SPEG: variants seen among roughly 807,000 people sequenced by gnomAD.
SPEG encodes striated muscle enriched protein kinase, also known as striated muscle preferentially expressed protein kinase.
A neutral mutation model predicts 300.4 loss-of-function variants in SPEG; 114 were observed. The ratio of observed to expected loss-of-function variants is 0.38; its 90% confidence interval spans 0.33 to 0.44. SPEG has a LOEUF of 0.44. SPEG is among the 20% of genes least tolerant of loss of function. The pLI is 1.00. For missense variants in SPEG, 4,201 were observed against 4,586.2 expected, an observed-to-expected ratio of 0.92 and a Z score of 2.43; for synonymous variants, 1,964 against 2,018.9, an observed-to-expected ratio of 0.97 and a Z score of 0.73.
intron 13 of SPEG, 116 bp downstream of exon 13, chr2:219,469,495 A>C: frequency 1.2e-6 from 1 of 868,400 alleles, no homozygotes; most frequent in Non-Finnish European, 1.8e-6. Context: ...GACCAGGGAC[A>C]GGGTGCCTGG....
chr2:219,483,113 T>A lies in SPEG; in HGVS notation c.5650T>A (p.Tyr1884Asn). ...CTGTCTCCAGCGCTCCCAGATCAGC[T>A]ACAAATGCCACCTGGTGCTGCGCCC... ...RRRWQRSQIS[Y>N]KCHLVLRPIP... The change falls in exon 30 of 41, where the codon TAC becomes AAC. Residue 1884 changes from tyrosine to asparagine, a missense_variant. Coordinates refer to ENST00000312358, the MANE Select transcript of SPEG (RefSeq NM_005876.5). 6.2e-7 allele frequency: 1 copy of A among 1,607,546 alleles called. No homozygotes were observed. Among genetic ancestry groups the A allele is most frequent in the Non-Finnish European group, 8.5e-7 (1 of 1,179,284 alleles).
In SPEG at chr2:219,467,447, TC is replaced by T. The variant is rs769057723; in HGVS notation, c.3142+14del. On this transcript the variant is annotated intron_variant, in intron 10 of 40. Transcript: ENST00000312358. ...AGCACGGCCAAAGGTAACTCCCCAC[TC>T]AGGCATTGGGCTGCCGTGGGTGCCC... is the stretch of plus-strand genomic sequence containing the variant. 1.8e-5 allele frequency: 28 copies of T among 1,590,008 alleles called. No homozygotes were observed. The highest frequency in any genetic ancestry group is 2.4e-5 in the Non-Finnish European group (28 of 1,165,004).
At position 219,477,072 on chromosome 2, in the gene SPEG, G is replaced by A; in HGVS notation, c.4560+90G>A. ...TCCTGGAAGGCCTTAGGAGGGCGGA[G>A]CCCGGGCAGAGGCGTGGTTAGGAGG... On this transcript the variant is annotated intron_variant, in intron 19 of 40. Transcript: ENST00000312358. The surrounding 1 kb of genome is among the most constrained non-coding windows in gnomAD (Gnocchi z 6.4). The A allele has an allele frequency of 8.1e-7, 1 of 1,232,862 alleles. No individual in the cohort carries two copies. The highest frequency in any genetic ancestry group is 1.1e-6 in the Non-Finnish European group (1 of 883,150). 76.4% of individuals were successfully genotyped at this position (1,232,862 alleles called of 1,614,324 possible).
rs1245871200 is a variant in SPEG at position 219,483,390 on chromosome 2, A to G, written c.5927A>G (p.Gln1976Arg). The G allele has an allele frequency of 1.9e-6, 3 of 1,598,016 alleles. No individual in the cohort carries two copies. The highest frequency in any genetic ancestry group is 1.7e-5 in the Admixed American group (1 of 58,510). Residue 1976 changes from glutamine to arginine, a missense_variant, in exon 30 of 41, where the codon CAG (glutamine) becomes CGG (arginine). Physicochemically the swap from Gln to Arg is conservative, Grantham distance 43. Coordinates refer to ENST00000312358, the MANE Select transcript of SPEG (RefSeq NM_005876.5). ...GCCACCCCCATGGACTGGCAGGAGC[A>G]GGGAAGGGCTCCCTCTCAGGACCAG... ...GAATPMDWQE[Q>R]GRAPSQDQEA...
At position 219,473,218 on chromosome 2, in the gene SPEG, C is replaced by T. The variant is rs569674139; in HGVS notation, c.4147+122C>T. On this transcript the variant is annotated intron_variant, in intron 16 of 40. Transcript: ENST00000312358. This position sits in a 1 kb window ranked among gnomAD's most constrained non-coding sequence, Gnocchi z 4.6. Reference sequence around the variant, plus strand: ...AACTGGCAGGAGCAGCCTAGCCGGGCGGGACCTTGGCCCATCTGTACACTT... The same window carrying T: ...AACTGGCAGGAGCAGCCTAGCCGGGTGGGACCTTGGCCCATCTGTACACTT... 54 of 1,006,450 alleles carry T rather than the reference C, an allele frequency of 5.4e-5. No individual in the cohort carries two copies. Among genetic ancestry groups the T allele is most frequent in the South Asian group, 5.2e-4 (33 of 63,528 alleles). The allele number at this position is 1,006,450 out of a possible 1,614,324, so 62.3% of individuals were successfully genotyped here.
chr2:219,453,223 G>A (rs886123978), intron 6 of SPEG, among the ~76,000 whole-genome samples: 2 of 152,236 alleles, frequency 1.3e-5, no homozygotes, highest in African/African-American at 2.4e-5. Context: ...GGCCATTTGG[G>A]AGCCTTTTAT....
chr2:219,485,127 A>T, intron 30 of SPEG, 55 bp downstream of exon 30: 1 of 1,519,774 alleles, frequency 6.6e-7, no homozygotes, highest in Non-Finnish European at 8.8e-7. Context: ...GGTGCGCTGG[A>T]GAGAGGCTGT....
intron 9 of SPEG, chr2:219,466,732 G>A: frequency 1.0e-6 from 1 of 1,004,280 alleles, no homozygotes; most frequent in Non-Finnish European, 1.2e-6. Flanking sequence ...TCAGGGCTGG[G>A]GTGCTCTGTC....
At position 219,493,585 on chromosome 2, in the gene SPEG, G is replaced by GCTGT. The variant is rs747757383; in HGVS notation, c.*811_*814dup. On this transcript the variant is annotated 3_prime_UTR_variant, in exon 41 of 41. Transcript: ENST00000312358. Reference sequence around the variant, plus strand: ...CCTGACCATCCCTCCCAGCCATCCAGCTGTCTGTCTGTCTGCCACAAGGAA... The same window carrying GCTGT: ...CCTGACCATCCCTCCCAGCCATCCAGCTGTCTGTCTGTCTGTCTGCCACAAGGAA... 1.7e-5 allele frequency: 8 copies of GCTGT among 467,190 alleles called. No individual in the cohort carries two copies. The East Asian group carries it at 3.2e-4, about 19-fold the overall frequency. The allele number at this position is 467,190 out of a possible 1,614,324, so 28.9% of individuals were successfully genotyped here.
intron 1 of SPEG, chr2:219,441,993 G>GCCCCGC (rs1359101589): frequency 2.4e-6 from 1 of 420,988 alleles, no homozygotes; most frequent in East Asian, 5.3e-5. Context: ...CTCCGACTCC[G>GCCCCGC]CCCCGCCCCC....
At position 219,477,493 on chromosome 2, in the gene SPEG, T is replaced by C. The variant is rs1692456869; in HGVS notation, c.4729+48T>C. 6.6e-7 allele frequency: 1 copy of C among 1,512,556 alleles called. No individual in the cohort carries two copies. Among genetic ancestry groups the C allele is most frequent in the African/African-American group, 1.4e-5 (1 of 72,258 alleles). 93.7% of individuals were successfully genotyped at this position (1,512,556 alleles called of 1,614,324 possible). ...GGTAAAGCGCACACCCCCTGGAATC[T>C]GATGTGACCCTCCATGCTCTGCCCA... On this transcript the variant is annotated intron_variant, in intron 20 of 40. Coordinates refer to ENST00000312358, the MANE Select transcript of SPEG (RefSeq NM_005876.5). This position sits in a 1 kb window ranked among gnomAD's most constrained non-coding sequence, Gnocchi z 6.4.
Position 219,483,146 on chromosome 2 carries a change from G to A in SPEG, c.5683G>A (p.Glu1895Lys), listed in dbSNP as rs1457052339. 4 of 1,609,096 alleles carry A rather than the reference G, an allele frequency of 2.5e-6. No individual in the cohort carries two copies. The highest frequency in any genetic ancestry group is 1.3e-5 in the African/African-American group (1 of 74,980). The change falls in exon 30 of 41, where the codon GAG becomes AAG. Residue 1895 changes from glutamate to lysine, a missense_variant. Glu to Lys is a moderately conservative substitution (Grantham distance 56). Coordinates refer to ENST00000312358, the MANE Select transcript of SPEG (RefSeq NM_005876.5). ...CCACCTGGTGCTGCGCCCCATCCCC[G>A]AGCTGCTGCGGGCCCCCCCAGAGCG... The part of the protein sequence containing the change: ...KCHLVLRPIP[E>K]LLRAPPERVW...
chr2:219,465,767 T>C, intron 9 of SPEG: 1 of 540,680 alleles, frequency 1.8e-6, no homozygotes, highest in Non-Finnish European at 3.3e-6. Context: ...CAGCCCTCTA[T>C]GCAGAAGGGC....
chr2:219,440,175 G>A (rs986529413), intron 1 of SPEG, among the ~76,000 whole-genome samples: 1 of 152,170 alleles, frequency 6.6e-6, no homozygotes, highest in Non-Finnish European at 1.5e-5. Context: ...TTGAGCCCAG[G>A]AGTTCGAGAC....
chr2:219,468,588 C>G lies in SPEG; in HGVS notation c.3153C>G (p.Thr1051=). 1.2e-6 allele frequency: 2 copies of G among 1,612,824 alleles called. No individual in the cohort carries two copies. The highest frequency in any genetic ancestry group is 1.7e-6 in the Non-Finnish European group (2 of 1,179,924). ...CCCCCTGCCCCACAGATGAGCTGAC[C>G]TGCAGTGCCCGGCTGACCGTGCGGC... The part of the protein sequence containing the change: ...CKLSTAKDEL[T]CSARLTVRPS... Residue 1051 remains threonine, a synonymous_variant, in exon 11 of 41, where the codon ACC becomes ACG. Transcript: ENST00000312358.
intron 18 of SPEG, among the ~76,000 whole-genome samples, chr2:219,476,020 C>T (rs891668100): frequency 2.8e-5 from 4 of 145,032 alleles, no homozygotes; most frequent in African/African-American, 5.0e-5. Flanking sequence ...TGCTCAAACA[C>T]GCTGGGGTGG....
At chr2:219,447,687 T>C (rs1447476362) in intron 3 of SPEG, among the ~76,000 whole-genome samples, 2 of 151,912 alleles carry the variant, frequency 1.3e-5, no homozygotes, top group African/African-American at 4.8e-5. Flanking sequence ...CCGCTGTTTC[T>C]CGGCTTCCAG....
In SPEG at chr2:219,489,380, A is replaced by C. The variant is rs950547798; in HGVS notation, c.8362A>C (p.Thr2788Pro). Residue 2788 changes from threonine (T) to proline (P), a missense_variant, in exon 36 of 41, where the codon ACC (threonine) becomes CCC (proline). Thr to Pro is a conservative substitution (Grantham distance 38, BLOSUM62 -1). Around this residue, in one of 4 missense-constraint regions of SPEG, gnomAD observed 1,578 missense variants for 1,506.0 expected, o/e 1.05. Transcript: ENST00000312358. ...PSAAHQEAPV[T>P]SRPARARPPD... is the part of the protein sequence containing the mutation. ...TGCTGCCCACCAAGAGGCCCCTGTC[A>C]CCTCAAGGCCAGCCAGGGCCCGGCC... The C allele has an allele frequency of 6.2e-7, 1 of 1,611,710 alleles. No individual in the cohort carries two copies.
chr2:219,486,387 G>A (rs1198626748), intron 31 of SPEG, among the ~76,000 whole-genome samples: 4 of 152,196 alleles, frequency 2.6e-5, no homozygotes, highest in Non-Finnish European at 5.9e-5. Flanking sequence ...CCCATTTCCT[G>A]GTAAAACTCA....
Sources: gnomAD v4.1 joint callset for allele counts (sites outside exome capture counted in the v4.1 genomes callset) on GRCh38, gnomAD v4.1.1 for gene constraint, gnomAD v4.1.1 regional missense constraint, Gnocchi (gnomAD v3.1) non-coding constraint, MANE v1.5 for transcripts, NCBI Gene and HGNC (gene_info 2026-07-23, HGNC 2026-07-21) for gene names.